The following CEP112 variants were observed in gnomAD, a reference collection of about 807,000 sequenced individuals.
The protein encoded by CEP112 is centrosomal protein of 112 kDa.
CEP112 carries 127 observed loss-of-function variants against 153.0 expected under a neutral mutation model. That is an observed-to-expected ratio of 0.83 (90% confidence interval 0.72 to 0.96). CEP112 has a LOEUF of 0.96. CEP112 is among the 40% of genes least tolerant of loss of function. The pLI is 0.00. For missense variants in CEP112, 1,089 were observed against 1,101.2 expected (o/e 0.99, Z 0.16); for synonymous variants, 358 against 374.4 (o/e 0.96, Z 0.51).
chr17:66,177,593 C>T (rs953367892), intron 2 of CEP112, among the ~76,000 whole-genome samples: 3 of 152,114 alleles, frequency 2.0e-5, no homozygotes, highest in African/African-American at 4.8e-5. Context: ...TCCAATTATA[C>T]TCTTAGTTAT....
chr17:66,118,357 T>G (rs2069404538), intron 6 of CEP112, among the ~76,000 whole-genome samples: 1 of 152,074 alleles, frequency 6.6e-6, no homozygotes, highest in African/African-American at 2.4e-5. Flanking sequence ...ATATACACAA[T>G]TGAATATTAT....
intron 18 of CEP112, among the ~76,000 whole-genome samples, chr17:65,936,810 C>CCTCCCCCTCCCCCTCCCCCTCTA (rs2061323967): frequency 1.7e-5 from 1 of 57,818 alleles, no homozygotes; most frequent in South Asian, 1.5e-3. Context: ...CTCCCCCTCC[C>CCTCCCCCTCCCCCTCCCCCTCTA]CCTCTCCCCA....
chr17:65,891,632 A>C (rs975470829), intron 20 of CEP112, among the ~76,000 whole-genome samples: 3 of 152,166 alleles, frequency 2.0e-5, no homozygotes, highest in African/African-American at 7.2e-5. Context: ...TGTAAAAAAC[A>C]TGAATCAAAT....
intron 4 of CEP112, among the ~76,000 whole-genome samples, chr17:66,157,801 A>G (rs1236586803): frequency 6.6e-6 from 1 of 152,170 alleles, no homozygotes; most frequent in Non-Finnish European, 1.5e-5. Context: ...AGGGCATTAC[A>G]TAATAGTAAA....
intron 21 of CEP112, among the ~76,000 whole-genome samples, chr17:65,848,474 T>C (rs921786845): frequency 3.3e-5 from 5 of 152,232 alleles, no homozygotes; most frequent in African/African-American, 1.2e-4. Context: ...TGACCCTTCT[T>C]CAACTGTTTC....
intron 21 of CEP112, among the ~76,000 whole-genome samples, chr17:65,826,868 C>T (rs564525760): frequency 7.8e-4 from 119 of 152,212 alleles, no homozygotes; most frequent in African/African-American, 2.7e-3. Context: ...AAAGTATTGT[C>T]CCTGGGTGTG....
intron 1 of CEP112, among the ~76,000 whole-genome samples, chr17:66,186,167 C>T (rs2072925681): frequency 6.6e-6 from 1 of 152,174 alleles, no homozygotes; most frequent in African/African-American, 2.4e-5. Flanking sequence ...CTTCCTCCCT[C>T]AGCCCCAAAA....
At position 65,951,749 on chromosome 17, in the gene CEP112, C is replaced by CCCCCCGG. The variant is rs71160510; in HGVS notation, c.1872+9713_1872+9714insCCGGGGG. ...TCTGCTCTAATCTTCCCCCGCCCCC[C>CCCCCCGG]CCTTTCTTCCACTTGCTTAGAAGCT... On this transcript the variant is annotated intron_variant, in intron 18 of 26. Coordinates refer to ENST00000535342, the MANE Select transcript of CEP112 (RefSeq NM_001199165.4). 4.3e-4 allele frequency among the ~76,000 whole-genome samples: 46 copies of CCCCCCGG among 106,238 alleles called. 9 individuals carry two copies. Among genetic ancestry groups the CCCCCCGG allele is most frequent in the East Asian group, 1.6e-3 (4 of 2,554 alleles). 69.7% of individuals were successfully genotyped at this position (106,238 alleles called of 152,430 possible). A position where few individuals can be genotyped will look rare whatever the true frequency, so the allele number is the denominator to read the frequency against.
At chr17:65,780,375 C>T (rs188915592) in intron 21 of CEP112, among the ~76,000 whole-genome samples, 23 of 152,064 alleles carry the variant, frequency 1.5e-4, no homozygotes, top group East Asian at 1.2e-3. Context: ...AAGCAAAGGC[C>T]GCAGAAACTG....
At chr17:66,188,511 C>G (rs772634763) in intron 1 of CEP112, among the ~76,000 whole-genome samples, 55 of 151,790 alleles carry the variant, frequency 3.6e-4, no homozygotes, top group Non-Finnish European at 6.9e-4. Flanking sequence ...GCTGGCCCCC[C>G]CTTGCCCTAG....
At chr17:65,741,886 G>C (rs76302531) in intron 23 of CEP112, among the ~76,000 whole-genome samples, 2,331 of 150,160 alleles carry the variant, frequency 0.016, 45 homozygotes, top group African/African-American at 0.054. Context: ...AAAAAAACTT[G>C]AAAGATGTTT....
intron 5 of CEP112, among the ~76,000 whole-genome samples, chr17:66,130,152 G>C (rs1281889166): frequency 6.6e-6 from 1 of 151,732 alleles, no homozygotes; most frequent in African/African-American, 2.4e-5. Context: ...CTGAACTAGG[G>C]TTCTCAGTTC....
intron 23 of CEP112, among the ~76,000 whole-genome samples, chr17:65,710,822 T>C (rs1369710993): frequency 6.6e-6 from 1 of 152,204 alleles, no homozygotes; most frequent in East Asian, 1.9e-4. Context: ...CCCCGCTCTT[T>C]TCTAAATAAG....
intron 20 of CEP112, among the ~76,000 whole-genome samples, chr17:65,889,953 T>C (rs1379297685): frequency 2.0e-5 from 3 of 152,256 alleles, no homozygotes; most frequent in East Asian, 3.9e-4. Flanking sequence ...CTTTCGATTG[T>C]TGACAGTTAT....
At chr17:65,974,959 A>G (rs933795740) in intron 17 of CEP112, among the ~76,000 whole-genome samples, 4 of 152,186 alleles carry the variant, frequency 2.6e-5, no homozygotes, top group African/African-American at 7.2e-5. Flanking sequence ...TTACTAAAAA[A>G]AAAAAAATGA....
At chr17:66,035,008 A>ATATTT (rs1454121288) in intron 12 of CEP112, among the ~76,000 whole-genome samples, 124 of 72,162 alleles carry the variant, frequency 1.7e-3, no homozygotes, top group African/African-American at 4.9e-3. Flanking sequence ...ATATATATAT[A>ATATTT]TTTTTTTTTT....
At chr17:66,078,263 C>CTTTTTTTTTTTT (rs573290197) in intron 8 of CEP112, among the ~76,000 whole-genome samples, 1 of 83,860 alleles carries the variant, frequency 1.2e-5, no homozygotes, top group African/African-American at 3.5e-5. Flanking sequence ...TTTTCTTTTT[C>CTTTTTTTTTTTT]TTTTTTTTTT....
intron 24 of CEP112, among the ~76,000 whole-genome samples, chr17:65,649,883 A>G (rs2093610980): frequency 6.6e-6 from 1 of 152,212 alleles, no homozygotes; most frequent in African/African-American, 2.4e-5. Flanking sequence ...TCCAGAATAC[A>G]TTCAATACAT....
chr17:65,806,844 G>C (rs1473333871), intron 21 of CEP112, among the ~76,000 whole-genome samples: 1 of 151,950 alleles, frequency 6.6e-6, no homozygotes, highest in Admixed American at 6.6e-5. Context: ...TCAGTTCTTT[G>C]TAGCAGTGTG....
Sources: allele counts gnomAD v4.1 joint callset (sites outside exome capture counted in the v4.1 genomes callset), GRCh38; gene constraint gnomAD v4.1.1; transcripts MANE v1.5; gene names NCBI Gene and HGNC (gene_info 2026-07-23, HGNC 2026-07-21).